DOCK9: variants seen among roughly 807,000 people sequenced by gnomAD.
DOCK9 encodes dedicator of cytokinesis 9, also known as dedicator of cytokinesis protein 9.
In DOCK9, 89 loss-of-function variants were observed where a neutral mutation model predicts 263.3. The observed-to-expected ratio is 0.34, with a 90% CI of 0.28 to 0.40. The LOEUF (loss-of-function observed/expected upper bound fraction) is 0.40. DOCK9 is among the 10% of genes least tolerant of loss of function. The probability of loss-of-function intolerance (pLI) is 1.00; values close to 1 mark genes in which losing one functional copy is unlikely to be tolerated. For synonymous variants in DOCK9, 976 were observed against 973.1 expected (o/e 1.00, Z -0.06); for missense variants, 2,140 against 2,603.4 (o/e 0.82, Z 3.87).
intron 46 of DOCK9, among the ~76,000 whole-genome samples, chr13:98,809,778 T>C (rs890006115): frequency 2.0e-5 from 3 of 152,180 alleles, no homozygotes; most frequent in Non-Finnish European, 4.4e-5. Context: ...CTGTTTGATA[T>C]GCCTAGAGAA....
chr13:99,054,892 G>A (rs2040849467), intron 1 of DOCK9, among the ~76,000 whole-genome samples: 1 of 152,060 alleles, frequency 6.6e-6, no homozygotes, highest in Non-Finnish European at 1.5e-5. Flanking sequence ...CAAAAAAGAT[G>A]GCACCTCAGT....
At chr13:98,949,671 A>C in intron 2 of DOCK9, 1 of 187,524 alleles carries the variant, frequency 5.3e-6, no homozygotes, top group Non-Finnish European at 1.1e-5. Context: ...TTCCAAAAAA[A>C]CCCAAAACAC....
chr13:99,075,355 CTT>C (rs142464481), intron 1 of DOCK9, among the ~76,000 whole-genome samples: 7 of 121,970 alleles, frequency 5.7e-5, no homozygotes, highest in Admixed American at 8.6e-5. Flanking sequence ...AGCTGTAGTA[CTT>C]TTTTTTTTTT....
chr13:99,046,187 T>C (rs2040423119), intron 1 of DOCK9, among the ~76,000 whole-genome samples: 1 of 151,046 alleles, frequency 6.6e-6, no homozygotes, highest in Non-Finnish European at 1.5e-5. Context: ...AAGGCAGAAA[T>C]GTATGTCCCA....
intron 27 of DOCK9, among the ~76,000 whole-genome samples, chr13:98,877,745 C>T (rs1490419374): frequency 6.6e-6 from 1 of 152,184 alleles, no homozygotes; most frequent in Non-Finnish European, 1.5e-5. Flanking sequence ...CACCTTCCCA[C>T]CTGAACTCCT....
Position 99,045,798 on chromosome 13 carries a change from C to CA in DOCK9, c.129+40424dup, listed in dbSNP as rs369785921. On this transcript the variant is annotated intron_variant, in intron 1 of 32. Coordinates refer to the DOCK9 transcript ENST00000427887. The stretch of plus-strand genomic sequence containing the variant: ...TTTTTAAAAACAAAACAAAACAAAA[C>CA]AAAAAAAACAGCAGCCGGGTGCGGT... 8.7e-4 allele frequency among the ~76,000 whole-genome samples: 131 copies of CA among 151,204 alleles called. 1 individual carries two copies. The highest frequency in any genetic ancestry group is 2.7e-3 in the African/African-American group (113 of 41,258).
In DOCK9 at chr13:98,797,227, G is replaced by C; in HGVS notation, c.6044C>G (p.Ala2015Gly). ...FRQFVEACGQ[A>G]LAVNERLIKE... Reference sequence around the variant, plus strand: ...AATCAGACGTTCGTTTACCGCTAAGGCTTGACCGCAAGCTTCCACAAATTG... The same window carrying C: ...AATCAGACGTTCGTTTACCGCTAAGCCTTGACCGCAAGCTTCCACAAATTG... The change falls in exon 52 of 53, where the codon GCC becomes GGC. Residue 2015 changes from alanine to glycine, a missense_variant. By Grantham distance (60) the Ala-to-Gly change is moderately conservative. Coordinates refer to ENST00000682017, the MANE Select transcript of DOCK9 (RefSeq NM_001366683.2). 1 of 1,613,892 alleles carries C rather than the reference G, an allele frequency of 6.2e-7. No individual in the cohort carries two copies.
chr13:98,938,775 T>C (rs537970091), intron 2 of DOCK9, among the ~76,000 whole-genome samples: 2 of 152,312 alleles, frequency 1.3e-5, no homozygotes, highest in East Asian at 1.9e-4. Flanking sequence ...TAATTCCTGG[T>C]GGGAAGTATG....
chr13:98,930,087 A>C (rs933373304), intron 3 of DOCK9, 81 bp downstream of exon 3: 8 of 1,280,550 alleles, frequency 6.2e-6, no homozygotes, highest in Middle Eastern at 1.8e-4. Context: ...CACTTCCTTG[A>C]CAATTTTGAA....
Position 98,885,743 on chromosome 13 carries a change from C to T in DOCK9, c.2225G>A (p.Gly742Glu). The T allele has an allele frequency of 6.2e-7, 1 of 1,611,960 alleles. No individual in the cohort carries two copies. The highest frequency in any genetic ancestry group is 8.5e-7 in the Non-Finnish European group (1 of 1,179,402). The change falls in exon 20 of 53, where the codon GGA (glycine) becomes GAA (glutamate). Residue 742 changes from glycine to glutamate, a missense_variant. Physicochemically the swap from Gly to Glu is moderately conservative, Grantham distance 98. This residue lies in a region of DOCK9 where 1,521 missense variants were observed against 1,741.7 expected (regional missense o/e 0.87). Coordinates refer to ENST00000682017, the MANE Select transcript of DOCK9 (RefSeq NM_001366683.2). The part of the protein sequence containing the change: ...FHVSCDNSSK[G>E]STKKRDVVET... The stretch of plus-strand genomic sequence containing the variant: ...AACGACATCCCTCTTCTTCGTGCTT[C>T]CTTTACTTGAGTTGTCACAGCTGAC...
At chr13:98,902,230 T>C (rs2048390058) in intron 12 of DOCK9, 58 bp downstream of exon 12, 4 of 1,580,266 alleles carry the variant, frequency 2.5e-6, no homozygotes, top group Non-Finnish European at 3.4e-6. Context: ...TTTTGGTGCA[T>C]TTAGGTAGCA....
chr13:99,065,460 C>A, intron 1 of DOCK9, among the ~76,000 whole-genome samples: 1 of 152,154 alleles, frequency 6.6e-6, no homozygotes, highest in East Asian at 1.9e-4. Flanking sequence ...AGCATCAAGT[C>A]AACACTCCAC....
intron 1 of DOCK9, among the ~76,000 whole-genome samples, chr13:98,958,017 C>T (rs1388995074): frequency 6.6e-6 from 1 of 152,356 alleles, no homozygotes; most frequent in East Asian, 1.9e-4. Flanking sequence ...CCAGGTAAGG[C>T]CCATGATTCT....
chr13:98,860,411 C>A lies in DOCK9; in HGVS notation c.3691G>T (p.Gly1231Cys), dbSNP rs374594982. 4.4e-6 allele frequency: 7 copies of A among 1,584,692 alleles called. No individual in the cohort carries two copies. Among genetic ancestry groups the A allele is most frequent in the Admixed American group, 3.6e-5 (2 of 56,338 alleles). Residue 1231 changes from glycine (G) to cysteine (C), a missense_variant, in exon 33 of 53, where the codon GGC becomes TGC. Gly to Cys is a radical substitution (Grantham distance 159). Transcript: ENST00000682017. ...CAAGAGCATGGAGCGTTACCAATGC[C>A]GGAGATGGCGCCCAGCAGGTCCTTG... ...LHKDLLGAIS[G>C]IASPYTTSTP...
intron 4 of DOCK9, among the ~76,000 whole-genome samples, chr13:98,923,886 T>G (rs1414652194): frequency 6.6e-6 from 1 of 152,120 alleles, no homozygotes; most frequent in Non-Finnish European, 1.5e-5. Context: ...TTAAGGCCAT[T>G]TAACAGATGA....
At chr13:98,899,638 A>C (rs2047975455) in intron 13 of DOCK9, among the ~76,000 whole-genome samples, 1 of 152,202 alleles carries the variant, frequency 6.6e-6, no homozygotes, top group South Asian at 2.1e-4. Context: ...ACCTAGCTGC[A>C]GGGTCAATTT....
Position 99,072,204 on chromosome 13 carries a change from A to G in DOCK9, c.129+14019T>C, listed in dbSNP as rs553332012. 7.2e-4 allele frequency among the ~76,000 whole-genome samples: 110 copies of G among 152,280 alleles called. 1 individual carries two copies. The South Asian group carries it at 0.022, about 30-fold the overall frequency. ...TTGTATAACAATGACGGTATCCTTC[A>G]ATGATACACTCCTTCCAGACTTTCA... On this transcript the variant is annotated intron_variant, in intron 1 of 32. Transcript: ENST00000427887.
At position 98,863,568 on chromosome 13, in the gene DOCK9, T is replaced by C; in HGVS notation, c.3287-20A>G. ...GGAGGTCTGAAATGAGGATAGAAAC[T>C]ACTTGAGTTAGGAAAGATGCAATGC... On this transcript the variant is annotated intron_variant, in intron 30 of 52. Transcript: ENST00000682017. 1 of 1,581,154 alleles carries C rather than the reference T, an allele frequency of 6.3e-7. No homozygotes were observed. The highest frequency in any genetic ancestry group is 2.3e-5 in the East Asian group (1 of 44,438).
At chr13:98,911,786 TGACAGTA>T (rs2050087597) in intron 9 of DOCK9, among the ~76,000 whole-genome samples, 1 of 151,454 alleles carries the variant, frequency 6.6e-6, no homozygotes, top group Non-Finnish European at 1.5e-5. Context: ...AAAATAATAA[TGACAGTA>T]TTTTATATAA....
Sources: gnomAD v4.1 joint callset for allele counts (sites outside exome capture counted in the v4.1 genomes callset) on GRCh38, gnomAD v4.1.1 for gene constraint, gnomAD v4.1.1 regional missense constraint, MANE v1.5 for transcripts, NCBI Gene and HGNC (gene_info 2026-07-23, HGNC 2026-07-21) for gene names.